NFIB: variants seen among roughly 807,000 people sequenced by gnomAD.
The protein encoded by NFIB is nuclear factor 1 B-type.
NFIB carries 11 observed loss-of-function variants against 61.5 expected under a neutral mutation model. That is an observed-to-expected ratio of 0.18 (90% CI 0.11 to 0.30). The LOEUF is 0.30. NFIB is among the 10% of genes least tolerant of loss of function. The probability of loss-of-function intolerance (pLI) is 1.00; values close to 1 mark genes in which losing one functional copy is unlikely to be tolerated. For missense variants in NFIB, 471 were observed against 608.9 expected (o/e 0.77, Z 2.38); for synonymous variants, 260 against 216.5 (o/e 1.20, Z -1.76).
At chr9:14,489,324 T>A in the NFIB span, among the ~76,000 whole-genome samples, 3 of 152,310 alleles carry the variant, frequency 2.0e-5, no homozygotes, top group South Asian at 4.1e-4. Context: ...AAAAGAGACA[T>A]GTAGTTCATG....
chr9:14,389,813 A>C (rs1461289594), intron 1 of NFIB, among the ~76,000 whole-genome samples: 1 of 152,076 alleles, frequency 6.6e-6, no homozygotes, highest in African/African-American at 2.4e-5. Context: ...TCATCAACCA[A>C]TCAGAGCTTC....
chr9:14,172,989 C>G (rs1457306066), intron 3 of NFIB, among the ~76,000 whole-genome samples: 1 of 152,118 alleles, frequency 6.6e-6, no homozygotes, highest in African/African-American at 2.4e-5. Context: ...AGGCTGGTCT[C>G]AAACTCCTGA....
chr9:14,166,364 T>C (rs999211308), intron 3 of NFIB, among the ~76,000 whole-genome samples: 5 of 152,210 alleles, frequency 3.3e-5, no homozygotes, highest in South Asian at 4.1e-4. Context: ...TGCCTTTGAC[T>C]GTAGGTGAAA....
Position 14,150,186 on chromosome 9 carries a change from C to G in NFIB, c.765G>C (p.Ser255=). 1 of 1,613,482 alleles carries G rather than the reference C, an allele frequency of 6.2e-7. No individual in the cohort carries two copies. Among genetic ancestry groups the G allele is most frequent in the Admixed American group, 1.7e-5 (1 of 59,956 alleles). The change falls in exon 5 of 11, where the codon TCG becomes TCC. Residue 255 remains serine (S), a synonymous_variant. Transcript: ENST00000380953. ...ACAGAGACCTCTGAAGATTGACCCCCGAGTTCATGTCATGATAGTATGGTT... is the reference window on the plus strand; with the variant it reads ...ACAGAGACCTCTGAAGATTGACCCCGGAGTTCATGTCATGATAGTATGGTT... ...PSQPYYHDMN[S]GVNLQRSLSS...
At chr9:14,452,303 T>C in the NFIB span, among the ~76,000 whole-genome samples, 10 of 151,670 alleles carry the variant, frequency 6.6e-5, no homozygotes, top group East Asian at 1.9e-3. Context: ...GTATCCATGA[T>C]ATTTTTTACA....
the NFIB span, among the ~76,000 whole-genome samples, chr9:14,495,260 G>A: frequency 1.3e-5 from 2 of 152,030 alleles, no homozygotes; most frequent in Non-Finnish European, 1.5e-5. Flanking sequence ...TCCCAGAGCA[G>A]ATCTCCCACA....
the NFIB span, among the ~76,000 whole-genome samples, chr9:14,431,647 T>C: frequency 6.7e-6 from 1 of 150,328 alleles, no homozygotes; most frequent in Non-Finnish European, 1.5e-5. Context: ...TTTTTTTTTT[T>C]TACTGTGAGA....
chr9:14,452,821 G>A, the NFIB span, among the ~76,000 whole-genome samples: 2 of 152,140 alleles, frequency 1.3e-5, no homozygotes, highest in Non-Finnish European at 2.9e-5. Context: ...GATTACATAG[G>A]GACTAAAACA....
At chr9:14,340,918 G>T (rs1397295165) in intron 1 of NFIB, among the ~76,000 whole-genome samples, 1 of 147,012 alleles carries the variant, frequency 6.8e-6, no homozygotes. Context: ...CAGTGTCGGG[G>T]TTGGGTGGGA....
At chr9:14,346,338 CTTGCCCCTGGGAACG>C (rs1688800470) in intron 1 of NFIB, among the ~76,000 whole-genome samples, 1 of 139,654 alleles carries the variant, frequency 7.2e-6, no homozygotes, top group Non-Finnish European at 1.6e-5. Flanking sequence ...CCTGAAACCG[CTTGCCCCTGGGAACG>C]TCGCTCCGGA....
intron 1 of NFIB, among the ~76,000 whole-genome samples, chr9:14,326,790 G>C (rs532414541): frequency 1.3e-5 from 2 of 151,136 alleles, no homozygotes; most frequent in South Asian, 4.2e-4. Context: ...ATGCCTTCTA[G>C]CTTTAAAAAA....
chr9:14,398,515 T>C (rs1349012171), intron 1 of NFIB: 7 of 1,528,432 alleles, frequency 4.6e-6, no homozygotes, highest in Middle Eastern at 1.7e-4. Flanking sequence ...TTGTGAAATT[T>C]AGACTCACAG....
At chr9:14,355,520 A>T (rs369573030) in intron 1 of NFIB, among the ~76,000 whole-genome samples, 6 of 152,226 alleles carry the variant, frequency 3.9e-5, no homozygotes, top group African/African-American at 1.4e-4. Flanking sequence ...CCATTTGGAG[A>T]TGCAGACCCA....
intron 2 of NFIB, among the ~76,000 whole-genome samples, chr9:14,274,980 G>A (rs577177912): frequency 1.3e-5 from 2 of 152,132 alleles, no homozygotes; most frequent in Non-Finnish European, 2.9e-5. Flanking sequence ...GAGATAGTGA[G>A]GTTTTGTTTT....
chr9:14,172,198 C>T (rs1219297101), intron 3 of NFIB, among the ~76,000 whole-genome samples: 1 of 152,140 alleles, frequency 6.6e-6, no homozygotes, highest in African/African-American at 2.4e-5. Context: ...CAAGATGAGA[C>T]TTTGACATCC....
rs568811098 is a variant in NFIB, at chr9:14,394,355, G to C, written c.108+4169C>G. 3.3e-5 allele frequency among the ~76,000 whole-genome samples: 5 copies of C among 152,218 alleles called. No individual in the cohort carries two copies. The South Asian group carries it at 8.3e-4, about 25-fold the overall frequency. ...AGTCTGTTCTCACACTGCTAATAAAGACATACCTGAAACTGGGTAATTTAT... is the reference window on the plus strand; with the variant it reads ...AGTCTGTTCTCACACTGCTAATAAACACATACCTGAAACTGGGTAATTTAT... On this transcript the variant is annotated intron_variant, in intron 1 of 8. Coordinates refer to the NFIB transcript ENST00000380934.
chr9:14,340,389 G>T (rs1250999591), intron 1 of NFIB, among the ~76,000 whole-genome samples: 1 of 152,022 alleles, frequency 6.6e-6, no homozygotes, highest in African/African-American at 2.4e-5. Flanking sequence ...ATCGCCCAGG[G>T]GAACTTGTAA....
At chr9:14,119,051 T>C (rs1158027212) in intron 8 of NFIB, among the ~76,000 whole-genome samples, 1 of 152,110 alleles carries the variant, frequency 6.6e-6, no homozygotes, top group Non-Finnish European at 1.5e-5. Flanking sequence ...TTTTCCACAC[T>C]GAATTAACGT....
rs927581735 is a variant in NFIB, at chr9:14,083,680, T to G, written c.*4629A>C. The G allele has an allele frequency of 1.3e-5, 3 of 223,908 alleles. No individual in the cohort carries two copies. In the Admixed American group the frequency reaches 1.7e-4, roughly 13 times the overall value. The allele number at this position is 223,908 out of a possible 1,614,324, so 13.9% of individuals were successfully genotyped here. A position where few individuals can be genotyped will look rare whatever the true frequency, so the allele number is the denominator to read the frequency against. ...TACTGTACACTGAATATGGGATAACTTTCTGCAGCCTTCATCATTTCACAC... is the reference window on the plus strand; with the variant it reads ...TACTGTACACTGAATATGGGATAACGTTCTGCAGCCTTCATCATTTCACAC... On this transcript the variant is annotated 3_prime_UTR_variant, in exon 11 of 11. Coordinates refer to ENST00000380953, the MANE Select transcript of NFIB (RefSeq NM_001190737.2).
Sources: gnomAD v4.1 joint callset for allele counts (sites outside exome capture counted in the v4.1 genomes callset) on GRCh38, gnomAD v4.1.1 for gene constraint, MANE v1.5 for transcripts, NCBI Gene and HGNC (gene_info 2026-07-23, HGNC 2026-07-21) for gene names.